RBP5: variants seen among roughly 807,000 people sequenced by gnomAD.
The protein encoded by RBP5 is retinol binding protein 5, also known as retinol-binding protein 5.
A neutral mutation model predicts 17.8 loss-of-function variants in RBP5; 12 were observed. The ratio of observed to expected loss-of-function variants is 0.67; its 90% confidence interval spans 0.43 to 1.09. RBP5 has a LOEUF of 1.09. Among genes scored for constraint, RBP5 ranks in the 50% least tolerant of loss-of-function variants. RBP5 has a pLI of 0.00. For missense variants in RBP5, 172 were observed against 169.4 expected, an observed-to-expected ratio of 1.02 and a Z score of -0.09; for synonymous variants, 64 against 68.1, an observed-to-expected ratio of 0.94 and a Z score of 0.30.
Position 7,128,365 on chromosome 12 carries a change from T to C in RBP5, c.127A>G (p.Ile43Val). 1.2e-6 allele frequency: 2 copies of C among 1,614,190 alleles called. No homozygotes were observed. The highest frequency in any genetic ancestry group is 1.7e-6 in the Non-Finnish European group (2 of 1,180,040). ...IALLLKPDKE[I>V]EHQGNHMTVR... The stretch of plus-strand genomic sequence containing the variant: ...GTCATGTGGTTGCCCTGGTGTTCGA[T>C]CTCCTTGTCCGGCTTCAGCAGCAGC... The change falls in exon 2 of 4, where the codon ATC becomes GTC. Residue 43 changes from isoleucine to valine, a missense_variant. By Grantham distance (29) the Ile-to-Val change is conservative. Coordinates refer to ENST00000266560, the MANE Select transcript of RBP5 (RefSeq NM_031491.4). The surrounding 1 kb of genome is among the most constrained non-coding windows in gnomAD (Gnocchi z 5.3).
chr12:7,126,980 A>T (rs1277954343), intron 2 of RBP5, among the ~76,000 whole-genome samples: 9 of 107,772 alleles, frequency 8.4e-5, no homozygotes, highest in African/African-American at 1.5e-4. Flanking sequence ...TAATTTTTGT[A>T]CTTTTGTATT....
At position 7,124,796 on chromosome 12, in the gene RBP5, C is replaced by T; in HGVS notation, c.253-66G>A. The T allele has an allele frequency of 1.1e-6, 1 of 915,718 alleles. No individual in the cohort carries two copies. Among genetic ancestry groups the T allele is most frequent in the East Asian group, 2.4e-5 (1 of 41,224 alleles). 56.7% of individuals were successfully genotyped at this position (915,718 alleles called of 1,614,324 possible). On this transcript the variant is annotated intron_variant, in intron 2 of 3. Transcript: ENST00000266560. This position sits in a 1 kb window ranked among gnomAD's most constrained non-coding sequence, Gnocchi z 5.3. ...GACACTCAAAATGCTTCCCATCTCA[C>T]TCTGAATGGGCTCCCCCTTTTACTC...
downstream of RBP5, among the ~76,000 whole-genome samples, chr12:7,120,341 G>C (rs1939062919): frequency 6.6e-6 from 1 of 152,120 alleles, no homozygotes. Context: ...GCTGAGGTCT[G>C]GGGAGAGGGG....
chr12:7,127,809 G>T (rs1939200277), intron 2 of RBP5: 4 of 676,400 alleles, frequency 5.9e-6, no homozygotes, highest in Non-Finnish European at 1.1e-5. Flanking sequence ...ACTCTGCGGA[G>T]AAAACTCCAG....
Position 7,128,141 on chromosome 12 carries a change from G to A in RBP5, c.252+99C>T, listed in dbSNP as rs1565645857. The A allele has an allele frequency of 1.6e-5, 17 of 1,080,394 alleles. No individual in the cohort carries two copies. In the South Asian group the frequency reaches 1.9e-4, roughly 12 times the overall value. The allele number at this position is 1,080,394 out of a possible 1,614,324, so 66.9% of individuals were successfully genotyped here. A position where few individuals can be genotyped will look rare whatever the true frequency, so the allele number is the denominator to read the frequency against. ...TGTGGTGACCATTCCCCTCCTCCCC[G>A]CTGCTCTGGCTGGGGAAGGTCACTT... On this transcript the variant is annotated intron_variant, in intron 2 of 3. Transcript: ENST00000266560. The surrounding 1 kb of genome is among the most constrained non-coding windows in gnomAD (Gnocchi z 5.3).
exon 4 of RBP5, chr12:7,116,486 C>G (rs1187490976): frequency 6.6e-6 from 1 of 152,244 alleles, no homozygotes; most frequent in African/African-American, 2.4e-5. Context: ...ATTCTGATGT[C>G]TTTGTCCTTT....
intron 2 of RBP5, among the ~76,000 whole-genome samples, chr12:7,126,111 C>G (rs1490839873): frequency 6.7e-6 from 1 of 150,102 alleles, no homozygotes; most frequent in Non-Finnish European, 1.5e-5. Context: ...CAATTTCAGG[C>G]ACCAGGAAAT....
At chr12:7,127,458 G>C (rs994509519) in intron 2 of RBP5, 2 of 539,914 alleles carry the variant, frequency 3.7e-6, no homozygotes, top group African/African-American at 3.8e-5. Flanking sequence ...ATCATCTCTA[G>C]ATTACTTATA....
At position 7,123,746 on chromosome 12, in the gene RBP5, G is replaced by T. The variant is rs752901573; in HGVS notation, c.*375C>A. On this transcript the variant is annotated 3_prime_UTR_variant, in exon 4 of 4. Transcript: ENST00000266560. ...TCACAGTTTTCCAGAAGTCCATCAG[G>T]ATAGAATTTTCACTAATCGCCAAAT... The T allele has an allele frequency of 7.5e-5, 14 of 187,154 alleles. No individual in the cohort carries two copies. The South Asian group carries it at 2.0e-3, about 26-fold the overall frequency. 11.6% of individuals were successfully genotyped at this position (187,154 alleles called of 1,614,324 possible).
chr12:7,124,601 C>T lies in RBP5; in HGVS notation c.354+28G>A. 2 of 1,347,098 alleles carry T rather than the reference C, an allele frequency of 1.5e-6. No individual in the cohort carries two copies. The highest frequency in any genetic ancestry group is 1.2e-5 in the South Asian group (1 of 84,542). The allele number at this position is 1,347,098 out of a possible 1,614,324, so 83.4% of individuals were successfully genotyped here. A position where few individuals can be genotyped will look rare whatever the true frequency, so the allele number is the denominator to read the frequency against. On this transcript the variant is annotated intron_variant, in intron 3 of 3. Coordinates refer to ENST00000266560, the MANE Select transcript of RBP5 (RefSeq NM_031491.4). This position sits in a 1 kb window ranked among gnomAD's most constrained non-coding sequence, Gnocchi z 5.3. Reference sequence around the variant, plus strand: ...TGCCTTATAGCTGGAGGCCCTTCTCCCAGACACCCAGCCCCCACCCCATTT... The same window carrying T: ...TGCCTTATAGCTGGAGGCCCTTCTCTCAGACACCCAGCCCCCACCCCATTT...
downstream of RBP5, among the ~76,000 whole-genome samples, chr12:7,120,102 G>C (rs1489189947): frequency 2.0e-5 from 3 of 152,090 alleles, no homozygotes; most frequent in Non-Finnish European, 4.4e-5. Flanking sequence ...TGAGGGCAGA[G>C]GGAAGGGAGC....
rs757659632 is a variant in RBP5, at chr12:7,124,174, C to T, written c.355G>A (p.Glu119Lys). The part of the protein sequence containing the change: ...HWLEGEMLYL[E>K]LTARDAVCEQ... ...CACACTGCATCCCTTGCAGTCAGTT[C>T]CTGGGGAGAGAGGGGAAGTGAGGGG... Residue 119 changes from glutamate to lysine, a missense_variant and splice_region_variant, in exon 4 of 4, where the codon GAA becomes AAA. Transcript: ENST00000266560. The surrounding 1 kb of genome is among the most constrained non-coding windows in gnomAD (Gnocchi z 5.3). 1.5e-5 allele frequency: 25 copies of T among 1,613,994 alleles called. No individual in the cohort carries two copies. Among genetic ancestry groups the T allele is most frequent in the Non-Finnish European group, 2.1e-5 (25 of 1,179,980 alleles).
At chr12:7,125,265 A>C (rs752212853) in intron 2 of RBP5, among the ~76,000 whole-genome samples, 14 of 152,136 alleles carry the variant, frequency 9.2e-5, no homozygotes, top group Non-Finnish European at 1.9e-4. Flanking sequence ...CCTTTAGGGG[A>C]GAGCAGGGGT....
intron 2 of RBP5, among the ~76,000 whole-genome samples, chr12:7,125,068 G>C (rs1939139263): frequency 6.6e-6 from 1 of 151,992 alleles, no homozygotes; most frequent in African/African-American, 2.4e-5. Flanking sequence ...CAACATACCG[G>C]GTTAATTTTT....
Position 7,124,147 on chromosome 12 carries a change from C to T in RBP5, c.382G>A (p.Glu128Lys), listed in dbSNP as rs150021847. 4.3e-6 allele frequency: 7 copies of T among 1,613,964 alleles called. No individual in the cohort carries two copies. In the African/African-American group the frequency reaches 6.7e-5, roughly 15 times the overall value. Residue 128 changes from glutamate to lysine, a missense_variant, in exon 4 of 4, where the codon GAG becomes AAG. Coordinates refer to ENST00000266560, the MANE Select transcript of RBP5 (RefSeq NM_031491.4). The surrounding 1 kb of genome is among the most constrained non-coding windows in gnomAD (Gnocchi z 5.3). ...TATCTGACCTTCCTGAAGACCTGCT[C>T]GCACACTGCATCCCTTGCAGTCAGT... ...LELTARDAVC[E>K]QVFRKVR
downstream of RBP5, among the ~76,000 whole-genome samples, chr12:7,122,088 ATGTGTGTGTGTGTATG>A (rs1298533179): frequency 3.8e-5 from 2 of 52,750 alleles, no homozygotes; most frequent in African/African-American, 8.7e-5. Context: ...GTGTGTTTAT[ATGTGTGTGTGTGTATG>A]TGTGTGTGTG....
rs781025400 is a variant in RBP5, at chr12:7,124,119, G to C, written c.*2C>G. 3.1e-6 allele frequency: 5 copies of C among 1,613,846 alleles called. 1 individual carries two copies. The highest frequency in any genetic ancestry group is 1.1e-5 in the South Asian group (1 of 91,064). ...TCTGGAGGGATCTTGGCTCCTCTCC[G>C]GCTATCTGACCTTCCTGAAGACCTG... On this transcript the variant is annotated 3_prime_UTR_variant, in exon 4 of 4. Transcript: ENST00000266560. This position sits in a 1 kb window ranked among gnomAD's most constrained non-coding sequence, Gnocchi z 5.3.
At chr12:7,129,600 A>C, upstream of RBP5, 1 of 985,412 alleles carries the variant, frequency 1.0e-6, no homozygotes, top group Non-Finnish European at 1.2e-6. The surrounding 1 kb of genome is among the most constrained non-coding windows in gnomAD (Gnocchi z 5.5). Context: ...CGTAACCCCC[A>C]GTCCCCAGCC....
At chr12:7,122,904 A>C (rs1209263862), downstream of RBP5, among the ~76,000 whole-genome samples, 1 of 151,558 alleles carries the variant, frequency 6.6e-6, no homozygotes, top group Non-Finnish European at 1.5e-5. Context: ...ATGTGGTAGG[A>C]TCAGTATCAC....
Sources: gnomAD v4.1 joint callset for allele counts (sites outside exome capture counted in the v4.1 genomes callset) on GRCh38, gnomAD v4.1.1 for gene constraint, Gnocchi (gnomAD v3.1) non-coding constraint, MANE v1.5 for transcripts, NCBI Gene and HGNC (gene_info 2026-07-23, HGNC 2026-07-21) for gene names.